The following HAT1 variants were observed in gnomAD, a reference collection of about 807,000 sequenced individuals.
HAT1 encodes the protein histone acetyltransferase type B catalytic subunit.
A neutral mutation model predicts 56.6 loss-of-function variants in HAT1; 20 were observed. The observed-to-expected ratio is 0.35, with a 90% CI of 0.25 to 0.51. The LOEUF is 0.51. Ranked by LOEUF, HAT1 falls within the 20% of genes least tolerant of loss-of-function variation. The pLI is 0.95. For missense variants in HAT1, 408 were observed against 504.3 expected, an observed-to-expected ratio of 0.81 and a Z score of 1.83; for synonymous variants, 146 against 165.5, an observed-to-expected ratio of 0.88 and a Z score of 0.91.
intron 3 of HAT1, among the ~76,000 whole-genome samples, chr2:171,950,965 A>G (rs1687292842): frequency 2.0e-5 from 3 of 151,002 alleles, no homozygotes; most frequent in African/African-American, 7.3e-5. Flanking sequence ...GCCTGCCACC[A>G]TGCCCAGCTA....
rs1366656076 is a variant in HAT1, at chr2:171,965,400, T to C, written c.372T>C (p.Asn124=). ...CACCTGGATTTTGCACAAACACGAA[T>C]GATTTCCTTTCTTTACTGGAAAAGG... ...IIPPGFCTNT[N]DFLSLLEKEV... is the part of the protein sequence containing the mutation. Residue 124 remains asparagine (N), a synonymous_variant, in exon 5 of 11, where the codon AAT becomes AAC. Transcript: ENST00000264108. 1.2e-6 allele frequency: 2 copies of C among 1,611,990 alleles called. No homozygotes were observed. The highest frequency in any genetic ancestry group is 2.2e-5 in the East Asian group (1 of 44,832).
intron 8 of HAT1, among the ~76,000 whole-genome samples, chr2:171,969,279 T>C (rs1687756421): frequency 6.6e-6 from 1 of 152,212 alleles, no homozygotes; most frequent in Admixed American, 6.5e-5. Flanking sequence ...GCTAATTATA[T>C]TTGTCCTTTA....
At chr2:171,931,842 C>T (rs1252977784) in intron 2 of HAT1, among the ~76,000 whole-genome samples, 1 of 152,096 alleles carries the variant, frequency 6.6e-6, no homozygotes, top group Non-Finnish European at 1.5e-5. Flanking sequence ...ACTGCACTGG[C>T]CAGAACCTCT....
intron 2 of HAT1, among the ~76,000 whole-genome samples, chr2:171,936,416 A>G (rs1686874787): frequency 6.6e-6 from 1 of 152,136 alleles, no homozygotes; most frequent in Non-Finnish European, 1.5e-5. Context: ...AAGATAGGAG[A>G]GCATTTGATA....
intron 2 of HAT1, among the ~76,000 whole-genome samples, chr2:171,933,711 A>G (rs1250172029): frequency 6.6e-6 from 1 of 152,158 alleles, no homozygotes; most frequent in Non-Finnish European, 1.5e-5. Context: ...GGACTTTTCT[A>G]GCTGTCTTAT....
chr2:171,927,852 G>A (rs558569762), intron 2 of HAT1, among the ~76,000 whole-genome samples: 1 of 152,136 alleles, frequency 6.6e-6, no homozygotes, highest in Admixed American at 6.5e-5. Context: ...CCAAAGTGCT[G>A]GAATTACAGG....
At chr2:171,955,902 C>A (rs1000544969) in intron 4 of HAT1, among the ~76,000 whole-genome samples, 1 of 150,688 alleles carries the variant, frequency 6.6e-6, no homozygotes, top group Non-Finnish European at 1.5e-5. Context: ...AAAATTAGCC[C>A]GGCATGGTGG....
chr2:171,939,682 AT>A lies in HAT1; in HGVS notation c.113-7022del, dbSNP rs779789442. On this transcript the variant is annotated intron_variant, in intron 2 of 10. Coordinates refer to ENST00000264108, the MANE Select transcript of HAT1 (RefSeq NM_003642.4). Reference sequence around the variant, plus strand: ...GGCATATACTTTAATGTGGTTGATAATTTTAATTACGTCCTGCAAAATGTCA... The same window carrying A: ...GGCATATACTTTAATGTGGTTGATAATTTAATTACGTCCTGCAAAATGTCA... Among the ~76,000 whole-genome samples the A allele has an allele frequency of 4.6e-5, 7 of 152,262 alleles. No individual in the cohort carries two copies. In the East Asian group the frequency reaches 7.7e-4, roughly 17 times the overall value.
At chr2:171,947,856 G>A (rs923616125) in intron 3 of HAT1, among the ~76,000 whole-genome samples, 1 of 152,168 alleles carries the variant, frequency 6.6e-6, no homozygotes, top group African/African-American at 2.4e-5. Context: ...TCCAGCCTGT[G>A]CGACAGAGCG....
rs138153000 is a variant in HAT1, at chr2:171,966,171, C to G, written c.612-238C>G. ...TGCCTGTGTTTTCTTTTACTTGCCACCTATTCATCTTTATAATAGGCAAGT... is the reference window on the plus strand; with the variant it reads ...TGCCTGTGTTTTCTTTTACTTGCCAGCTATTCATCTTTATAATAGGCAAGT... On this transcript the variant is annotated intron_variant, in intron 6 of 10. Coordinates refer to ENST00000264108, the MANE Select transcript of HAT1 (RefSeq NM_003642.4). 3,389 of 605,918 alleles carry G rather than the reference C, an allele frequency of 5.6e-3. 12 individuals are homozygous for G. Among genetic ancestry groups the G allele is most frequent in the Middle Eastern group, 9.6e-3 (23 of 2,386 alleles). 37.5% of individuals were successfully genotyped at this position (605,918 alleles called of 1,614,324 possible).
intron 10 of HAT1, among the ~76,000 whole-genome samples, chr2:171,981,985 AT>A (rs1688143912): frequency 6.6e-6 from 1 of 152,156 alleles, no homozygotes; most frequent in South Asian, 2.1e-4. Context: ...AAAATAATTT[AT>A]TGAATTATAT....
chr2:171,957,161 C>T (rs1363047794), intron 4 of HAT1, among the ~76,000 whole-genome samples: 1 of 152,138 alleles, frequency 6.6e-6, no homozygotes, highest in East Asian at 1.9e-4. Flanking sequence ...TATGAACTCT[C>T]CAAATTTCAC....
intron 2 of HAT1, among the ~76,000 whole-genome samples, chr2:171,927,257 G>A (rs1686621055): frequency 6.6e-6 from 1 of 152,196 alleles, no homozygotes; most frequent in Admixed American, 6.5e-5. Flanking sequence ...AATAATATAT[G>A]CTCATGATTC....
chr2:171,948,482 C>CT (rs1166071432), intron 3 of HAT1, among the ~76,000 whole-genome samples: 1 of 152,188 alleles, frequency 6.6e-6, no homozygotes, highest in Non-Finnish European at 1.5e-5. Flanking sequence ...CCTTGGCCTC[C>CT]TGAAGTGCTG....
intron 1 of HAT1, 65 bp from the exon 2 acceptor site, chr2:171,925,472 C>A: frequency 1.3e-6 from 1 of 762,092 alleles, no homozygotes; most frequent in Non-Finnish European, 2.4e-6. Flanking sequence ...TTATAATAAC[C>A]CTATTGCAGG....
chr2:171,934,617 T>G (rs1274250546), intron 2 of HAT1, among the ~76,000 whole-genome samples: 1 of 152,154 alleles, frequency 6.6e-6, no homozygotes, highest in African/African-American at 2.4e-5. Flanking sequence ...TGAGTAGACT[T>G]GAGAACTGTT....
intron 2 of HAT1, among the ~76,000 whole-genome samples, chr2:171,931,885 C>T (rs1686758410): frequency 6.6e-6 from 1 of 152,210 alleles, no homozygotes; most frequent in East Asian, 1.9e-4. Context: ...ATAGAGTAGA[C>T]ATCCTTGCCT....
rs1228818058 is a variant in HAT1 at position 171,925,561 on chromosome 2, T to C, written c.32T>C (p.Leu11Ser). Residue 11 changes from leucine (L) to serine (S), a missense_variant, in exon 2 of 11, where the codon TTG (leucine) becomes TCG (serine). By Grantham distance (145) the Leu-to-Ser change is moderately radical. Transcript: ENST00000264108. MAGFGAMEKF[L>S]VEYKSAVEKK... is the part of the protein sequence containing the mutation. The stretch of plus-strand genomic sequence containing the variant: ...GGATTTGGTGCTATGGAGAAATTTT[T>C]GGTAGAATATAAGAGTGCAGTGGAG... 1 of 1,553,680 alleles carries C rather than the reference T, an allele frequency of 6.4e-7. No homozygotes were observed. Among genetic ancestry groups the C allele is most frequent in the East Asian group, 2.2e-5 (1 of 44,542 alleles).
intron 3 of HAT1, among the ~76,000 whole-genome samples, chr2:171,950,934 C>T (rs1230057808): frequency 6.6e-6 from 1 of 152,068 alleles, no homozygotes; most frequent in Non-Finnish European, 1.5e-5. Flanking sequence ...CTCAGCCTCC[C>T]GAGTCGCTGG....
Sources: allele counts gnomAD v4.1 joint callset (sites outside exome capture counted in the v4.1 genomes callset), GRCh38; gene constraint gnomAD v4.1.1; transcripts MANE v1.5; gene names NCBI Gene and HGNC (gene_info 2026-07-23, HGNC 2026-07-21).